TRAF3IP3: variants seen among roughly 807,000 people sequenced by gnomAD.
TRAF3IP3 encodes TRAF3-interacting JNK-activating modulator.
TRAF3IP3 carries 64 observed loss-of-function variants against 86.5 expected under a neutral mutation model. The ratio of observed to expected loss-of-function variants is 0.74; its 90% CI spans 0.60 to 0.91. The LOEUF (loss-of-function observed/expected upper bound fraction) is 0.91. TRAF3IP3 is among the 40% of genes least tolerant of loss of function. The pLI is 0.00. For synonymous variants in TRAF3IP3, 220 were observed against 243.9 expected (o/e 0.90, Z 0.91); for missense variants, 579 against 642.9 (o/e 0.90, Z 1.07).
rs548613361 is a variant in TRAF3IP3 at position 209,780,318 on chromosome 1, T to C, written c.1313-152T>C. 21 of 624,700 alleles carry C rather than the reference T, an allele frequency of 3.4e-5. No individual in the cohort carries two copies. The South Asian group carries it at 9.5e-4, about 28-fold the overall frequency. 38.7% of individuals were successfully genotyped at this position (624,700 alleles called of 1,614,324 possible). On this transcript the variant is annotated intron_variant, in intron 14 of 16. Coordinates refer to ENST00000367025, the MANE Select transcript of TRAF3IP3 (RefSeq NM_025228.4). ...AAGCTTAGCAGGGGCCTACTGGAAGTTAACCTTTATGTCAGAGAATGCCAT... is the reference window on the plus strand; with the variant it reads ...AAGCTTAGCAGGGGCCTACTGGAAGCTAACCTTTATGTCAGAGAATGCCAT...
In TRAF3IP3 at chr1:209,775,379, C is replaced by A; in HGVS notation, c.805C>A (p.Leu269Ile). The A allele has an allele frequency of 6.2e-7, 1 of 1,613,820 alleles. No individual in the cohort carries two copies. Among genetic ancestry groups the A allele is most frequent in the Non-Finnish European group, 8.5e-7 (1 of 1,179,842 alleles). Reference sequence around the variant, plus strand: ...CTCCCCTTGGGGAATGAAAAAAGTACTACTGGAGATGGAAGACCAGAAAAA... The same window carrying A: ...CTCCCCTTGGGGAATGAAAAAAGTAATACTGGAGATGGAAGACCAGAAAAA... ...KYSPWGMKKV[L>I]LEMEDQKNSY... The change falls in exon 10 of 17, where the codon CTA becomes ATA. Residue 269 changes from leucine (L) to isoleucine (I), a missense_variant. Transcript: ENST00000367025.
At chr1:209,780,872 A>T (rs2077762736) in intron 15 of TRAF3IP3, 1 of 231,540 alleles carries the variant, frequency 4.3e-6, no homozygotes, top group African/African-American at 2.3e-5. Flanking sequence ...AAAAATATTA[A>T]CTTCTCAATA....
At position 209,760,144 on chromosome 1, in the gene TRAF3IP3, C is replaced by T. The variant is rs374234677; in HGVS notation, c.105C>T (p.Cys35=). The part of the protein sequence containing the change: ...RRQEIRESRR[C]RPNVTTCRQV... ...AAGAGATCCGTGAAAGCCGCCGCTGCCGTCCCAATGTGACCACTTGCCGCC... is the reference window on the plus strand; with the variant it reads ...AAGAGATCCGTGAAAGCCGCCGCTGTCGTCCCAATGTGACCACTTGCCGCC... Residue 35 remains cysteine, a synonymous_variant, in exon 3 of 17, where the codon TGC becomes TGT. Coordinates refer to ENST00000367025, the MANE Select transcript of TRAF3IP3 (RefSeq NM_025228.4). 3.1e-6 allele frequency: 5 copies of T among 1,614,128 alleles called. No individual in the cohort carries two copies. The African/African-American group carries it at 5.3e-5, about 17-fold the overall frequency.
rs928978674 is a variant in TRAF3IP3, at chr1:209,780,746, G to C, written c.1449+140G>C. On this transcript the variant is annotated intron_variant, in intron 15 of 16. Transcript: ENST00000367025. Reference sequence around the variant, plus strand: ...ATTCATTTGCCTACATAAAGTGTCTGTGCTTTTGGGCTGACTTGTCAATCT... The same window carrying C: ...ATTCATTTGCCTACATAAAGTGTCTCTGCTTTTGGGCTGACTTGTCAATCT... 7 of 749,840 alleles carry C rather than the reference G, an allele frequency of 9.3e-6. No homozygotes were observed. The Admixed American group carries it at 3.0e-4, about 32-fold the overall frequency. 46.4% of individuals were successfully genotyped at this position (749,840 alleles called of 1,614,324 possible). A position where few individuals can be genotyped will look rare whatever the true frequency, so the allele number is the denominator to read the frequency against.
chr1:209,768,730 G>C, intron 8 of TRAF3IP3: 1 of 979,528 alleles, frequency 1.0e-6, no homozygotes, highest in Non-Finnish European at 1.2e-6. Context: ...TCGGCTCCCG[G>C]GGTCTAACTG....
intron 3 of TRAF3IP3, among the ~76,000 whole-genome samples, chr1:209,761,763 C>T (rs979123904): frequency 1.3e-5 from 2 of 152,254 alleles, no homozygotes; most frequent in Admixed American, 1.3e-4. Context: ...AAGACTGAGA[C>T]CTAGAAAAGA....
chr1:209,778,229 CA>C, intron 13 of TRAF3IP3, 56 bp downstream of exon 13: 7 of 1,481,114 alleles, frequency 4.7e-6, no homozygotes, highest in Non-Finnish European at 5.6e-6. Flanking sequence ...GGTCCTGGCC[CA>C]CAAAAGGCAC....
chr1:209,774,860 C>G (rs2077619564), intron 9 of TRAF3IP3, among the ~76,000 whole-genome samples: 1 of 152,078 alleles, frequency 6.6e-6, no homozygotes, highest in Non-Finnish European at 1.5e-5. Context: ...CTACTAGAGC[C>G]TGAACTAAGG....
intron 8 of TRAF3IP3, among the ~76,000 whole-genome samples, chr1:209,771,248 TGGAGGTGTGTGTCCCTAC>T (rs1558020817): frequency 7.2e-6 from 1 of 138,866 alleles, no homozygotes; most frequent in African/African-American, 2.8e-5. Flanking sequence ...TGTGTGCAGG[TGGAGGTGTGTGTCCCTAC>T]GGAGGTGTGC....
At chr1:209,757,437 C>G (rs1314046721) in intron 1 of TRAF3IP3, among the ~76,000 whole-genome samples, 13 of 147,504 alleles carry the variant, frequency 8.8e-5, no homozygotes, top group Admixed American at 8.6e-4. Context: ...GGACCTCACA[C>G]CTTATGTGTG....
At chr1:209,770,586 G>T (rs908876174) in intron 8 of TRAF3IP3, among the ~76,000 whole-genome samples, 8 of 141,320 alleles carry the variant, frequency 5.7e-5, no homozygotes, top group Admixed American at 5.0e-4. Flanking sequence ...GCATGTGGAG[G>T]TGTATCTGTG....
chr1:209,780,928 G>C, intron 15 of TRAF3IP3: 1 of 187,678 alleles, frequency 5.3e-6, no homozygotes, highest in South Asian at 1.2e-4. Flanking sequence ...GTCTCTTAAA[G>C]AGTAAAACTC....
Position 209,773,025 on chromosome 1 carries a change from C to A in TRAF3IP3, c.774+6C>A. 6.3e-7 allele frequency: 1 copy of A among 1,598,272 alleles called. No individual in the cohort carries two copies. On this transcript the variant is annotated splice_donor_region_variant and intron_variant, in intron 9 of 16. Coordinates refer to ENST00000367025, the MANE Select transcript of TRAF3IP3 (RefSeq NM_025228.4). ...AGCTATACACCTGTACCCAGGTAAG[C>A]ATTCTGAAGGATACTTCCATCTCAG...
chr1:209,775,327 T>C (rs764687037), intron 9 of TRAF3IP3, 22 bp from the exon 10 acceptor site: 1 of 1,595,464 alleles, frequency 6.3e-7, no homozygotes, highest in South Asian at 1.1e-5. Flanking sequence ...TGTGTATTTG[T>C]TGAATTGCAT....
At chr1:209,764,202 C>CACTGG (rs2077297692) in intron 8 of TRAF3IP3, among the ~76,000 whole-genome samples, 1 of 152,082 alleles carries the variant, frequency 6.6e-6, no homozygotes. Context: ...ACTGGACTAG[C>CACTGG]ACTAGAAATA....
At position 209,775,716 on chromosome 1, in the gene TRAF3IP3, G is replaced by C. The variant is rs371029719; in HGVS notation, c.1033G>C (p.Val345Leu). ...CAGGGAGCTGGAGAGCCAACTCCAC[G>C]TGCTTCAGTCCAAACTGCAGGTACC... is the stretch of plus-strand genomic sequence containing the variant. ...QHRELESQLH[V>L]LQSKLQGADS... Residue 345 changes from valine (V) to leucine (L), a missense_variant, in exon 11 of 17, where the codon GTG becomes CTG. Physicochemically the swap from Val to Leu is conservative, Grantham distance 32 (BLOSUM62 1). Transcript: ENST00000367025. The C allele has an allele frequency of 4.3e-6, 7 of 1,613,056 alleles. No individual in the cohort carries two copies. Among genetic ancestry groups the C allele is most frequent in the Non-Finnish European group, 5.1e-6 (6 of 1,179,688 alleles).
At position 209,775,620 on chromosome 1, in the gene TRAF3IP3, C is replaced by A; in HGVS notation, c.937C>A (p.Gln313Lys). 6.2e-7 allele frequency: 1 copy of A among 1,614,144 alleles called. No individual in the cohort carries two copies. The highest frequency in any genetic ancestry group is 1.7e-5 in the Admixed American group (1 of 60,018). ...TCAGCGATCCCTGGCCCTGGCAGAGCAGAAGTGTGAAGAGTGGAGGAGCCA... is the reference window on the plus strand; with the variant it reads ...TCAGCGATCCCTGGCCCTGGCAGAGAAGAAGTGTGAAGAGTGGAGGAGCCA... Reference protein sequence around the residue: ...STQRSLALAEQKCEEWRSQYE... With the variant: ...STQRSLALAEKKCEEWRSQYE... The change falls in exon 11 of 17, where the codon CAG (glutamine) becomes AAG (lysine). Residue 313 changes from glutamine to lysine, a missense_variant. By Grantham distance (53) the Gln-to-Lys change is moderately conservative. Coordinates refer to ENST00000367025, the MANE Select transcript of TRAF3IP3 (RefSeq NM_025228.4).
rs1395782276 is a variant in TRAF3IP3, at chr1:209,760,288, G to A, written c.249G>A (p.Gln83=). 1.2e-6 allele frequency: 2 copies of A among 1,614,182 alleles called. No homozygotes were observed. Among genetic ancestry groups the A allele is most frequent in the Non-Finnish European group, 1.7e-6 (2 of 1,180,024 alleles). ...LEEKGKAQHP[Q]AREQGPSRRP... Reference sequence around the variant, plus strand: ...AGAAGGGCAAAGCGCAGCATCCCCAGGCCAGGGAGCAAGGGCCCTCCAGGC... The same window carrying A: ...AGAAGGGCAAAGCGCAGCATCCCCAAGCCAGGGAGCAAGGGCCCTCCAGGC... The change falls in exon 3 of 17, where the codon CAG becomes CAA. Residue 83 remains glutamine, a synonymous_variant. Coordinates refer to ENST00000367025, the MANE Select transcript of TRAF3IP3 (RefSeq NM_025228.4).
At chr1:209,767,160 T>C (rs2077372330) in intron 8 of TRAF3IP3, among the ~76,000 whole-genome samples, 1 of 152,198 alleles carries the variant, frequency 6.6e-6, no homozygotes, top group South Asian at 2.1e-4. Flanking sequence ...ACTTGAATAA[T>C]GCATGGACCC....
Sources: gnomAD v4.1 joint callset for allele counts (sites outside exome capture counted in the v4.1 genomes callset) on GRCh38, gnomAD v4.1.1 for gene constraint, MANE v1.5 for transcripts, NCBI Gene and HGNC (gene_info 2026-07-23, HGNC 2026-07-21) for gene names.